Variants in MMP24 observed in about 807,000 individuals in gnomAD.
The protein encoded by MMP24 is matrix metallopeptidase 24, also known as matrix metalloproteinase-24.
A neutral mutation model predicts 62.8 loss-of-function variants in MMP24; 25 were observed. That is an observed-to-expected ratio of 0.40 (90% confidence interval 0.29 to 0.56). The LOEUF (loss-of-function observed/expected upper bound fraction) is 0.56. Ranked by LOEUF, MMP24 falls within the 20% of genes least tolerant of loss-of-function variation. The probability of loss-of-function intolerance (pLI) is 0.50; values close to 1 mark genes in which losing one functional copy is unlikely to be tolerated. For missense variants in MMP24, 634 were observed against 853.6 expected (o/e 0.74, Z 3.21); for synonymous variants, 319 against 350.5 (o/e 0.91, Z 1.00).
intron 2 of MMP24, among the ~76,000 whole-genome samples, chr20:35,250,104 C>A (rs1035567864): frequency 6.6e-6 from 1 of 152,090 alleles, no homozygotes; most frequent in African/African-American, 2.4e-5. Context: ...AGGCACATGC[C>A]ACCATGCCTG....
intron 5 of MMP24, among the ~76,000 whole-genome samples, chr20:35,266,403 A>G (rs2060635968): frequency 6.6e-6 from 1 of 151,454 alleles, no homozygotes; most frequent in Non-Finnish European, 1.5e-5. Flanking sequence ...GTGCTTCCTG[A>G]ACATCCAGTT....
At position 35,275,835 on chromosome 20, in the gene MMP24, G is replaced by A. The variant is rs773339425; in HGVS notation, c.*1226G>A. The A allele has an allele frequency of 1.0e-5, 4 of 395,592 alleles. No homozygotes were observed. The highest frequency in any genetic ancestry group is 1.8e-5 in the Non-Finnish European group (4 of 224,826). The allele number at this position is 395,592 out of a possible 1,614,324, so 24.5% of individuals were successfully genotyped here. On this transcript the variant is annotated 3_prime_UTR_variant, in exon 9 of 9. Transcript: ENST00000246186. ...CATCTTCCCACACTGCTCTTAGAAGGACACCCCTACCGGTAGCAGCCCCAA... is the reference window on the plus strand; with the variant it reads ...CATCTTCCCACACTGCTCTTAGAAGAACACCCCTACCGGTAGCAGCCCCAA...
chr20:35,235,431 C>T (rs1271926419), intron 1 of MMP24, among the ~76,000 whole-genome samples: 1 of 152,116 alleles, frequency 6.6e-6, no homozygotes, highest in African/African-American at 2.4e-5. Flanking sequence ...TGCAGTGGCT[C>T]ACACTTGTAA....
At chr20:35,232,888 GA>G (rs2060444207) in intron 1 of MMP24, among the ~76,000 whole-genome samples, 1 of 152,134 alleles carries the variant, frequency 6.6e-6, no homozygotes, top group South Asian at 2.1e-4. Context: ...GAAGTGGAGG[GA>G]CTGGAGTTTG....
intron 1 of MMP24, among the ~76,000 whole-genome samples, chr20:35,242,066 C>T (rs962002799): frequency 2.0e-5 from 3 of 152,154 alleles, no homozygotes; most frequent in Non-Finnish European, 2.9e-5. Flanking sequence ...TCTTGTGGCT[C>T]TACGCCTGTA....
At chr20:35,231,858 C>T (rs564316953) in intron 1 of MMP24, among the ~76,000 whole-genome samples, 4 of 152,178 alleles carry the variant, frequency 2.6e-5, no homozygotes, top group Admixed American at 2.6e-4. Flanking sequence ...TTGAGACTAG[C>T]CTGGCCAACA....
intron 1 of MMP24, among the ~76,000 whole-genome samples, chr20:35,238,672 C>T (rs2060474758): frequency 6.6e-6 from 1 of 152,148 alleles, no homozygotes; most frequent in Non-Finnish European, 1.5e-5. Context: ...GTTCCCTCAT[C>T]CTGGAACACG....
In MMP24 at chr20:35,274,401, G is replaced by C. The variant is rs75564013; in HGVS notation, c.1730G>C (p.Arg577Pro). The change falls in exon 9 of 9, where the codon CGG (arginine) becomes CCG (proline). Residue 577 changes from arginine (R) to proline (P), a missense_variant. Arg to Pro is a moderately radical substitution (Grantham distance 103). This residue lies in a region of MMP24 where 399 missense variants were observed against 530.8 expected (regional missense o/e 0.75). Transcript: ENST00000246186. The surrounding 1 kb of genome is among the most constrained non-coding windows in gnomAD (Gnocchi z 5.1). The stretch of plus-strand genomic sequence containing the variant: ...TGCAACCAGAAGGAGGTGGAGCGGC[G>C]GAAGGAGCGGCGGCTGCCCCAGGAC... ...MGCNQKEVER[R>P]KERRLPQDDV... 259 of 1,613,800 alleles carry C rather than the reference G, an allele frequency of 1.6e-4. No individual in the cohort carries two copies. The highest frequency in any genetic ancestry group is 2.0e-4 in the Non-Finnish European group (232 of 1,179,828).
At position 35,262,477 on chromosome 20, in the gene MMP24, C is replaced by T. The variant is rs199812746; in HGVS notation, c.818-1314C>T. On this transcript the variant is annotated intron_variant, in intron 4 of 8. Transcript: ENST00000246186. ...TAAACATCTCAATGCTTTACAAAAC[C>T]GTATTGCTGCCCGCAGGTCCCACCT... 1.1e-4 allele frequency among the ~76,000 whole-genome samples: 16 copies of T among 151,500 alleles called. No homozygotes were observed. In the East Asian group the frequency reaches 2.9e-3, roughly 27 times the overall value.
intron 2 of MMP24, among the ~76,000 whole-genome samples, chr20:35,251,413 CCG>C (rs2060546311): frequency 6.6e-6 from 1 of 152,188 alleles, no homozygotes; most frequent in Non-Finnish European, 1.5e-5. Context: ...GCGTGAGCCA[CCG>C]TGCCCAGCTG....
At chr20:35,261,076 A>G (rs571699891) in intron 4 of MMP24, among the ~76,000 whole-genome samples, 1 of 152,294 alleles carries the variant, frequency 6.6e-6, no homozygotes, top group Admixed American at 6.5e-5. Context: ...CAAGGCAAGC[A>G]AGGGTCTGAC....
chr20:35,251,766 C>T, intron 2 of MMP24, 139 bp from the exon 3 acceptor site: 2 of 639,504 alleles, frequency 3.1e-6, no homozygotes, highest in Non-Finnish European at 5.6e-6. Context: ...TGTTGGGGTC[C>T]ATCCAAGCCA....
intron 4 of MMP24, among the ~76,000 whole-genome samples, chr20:35,256,726 A>G (rs1189670215): frequency 7.6e-6 from 1 of 132,096 alleles, no homozygotes; most frequent in Non-Finnish European, 1.5e-5. Flanking sequence ...AAAAAAAAAA[A>G]AAAAAAAAAA....
intron 1 of MMP24, among the ~76,000 whole-genome samples, chr20:35,238,191 A>C (rs186957767): frequency 3.0e-4 from 46 of 152,308 alleles, no homozygotes; most frequent in African/African-American, 1.1e-3. Context: ...TGCTAATAGA[A>C]GACTTTTCTA....
intron 1 of MMP24, among the ~76,000 whole-genome samples, chr20:35,228,125 A>C (rs1014534311): frequency 1.2e-4 from 18 of 152,224 alleles, no homozygotes; most frequent in Non-Finnish European, 2.6e-4. Flanking sequence ...TTTGTTTAGA[A>C]GAATCTGCCT....
At chr20:35,273,692 G>A (rs894227060) in intron 8 of MMP24, among the ~76,000 whole-genome samples, 1 of 152,178 alleles carries the variant, frequency 6.6e-6, no homozygotes, top group Non-Finnish European at 1.5e-5. Flanking sequence ...TGGCTGGGCC[G>A]CTCAGGCTGT....
rs114123284 is a variant in MMP24, at chr20:35,267,168, G to A, written c.980-37G>A. ...AGACTGGCAATGGGAGGCGGGAAAC[G>A]GCTGCCCCCTCTCTAAGATGCAGCT... On this transcript the variant is annotated intron_variant, in intron 5 of 8. Transcript: ENST00000246186. 4.7e-4 allele frequency: 701 copies of A among 1,507,024 alleles called. 4 individuals are homozygous for A. The African/African-American group carries it at 8.4e-3, about 18-fold the overall frequency. 93.4% of individuals were successfully genotyped at this position (1,507,024 alleles called of 1,614,324 possible).
intron 3 of MMP24, among the ~76,000 whole-genome samples, chr20:35,253,650 C>T (rs1232202325): frequency 3.3e-5 from 5 of 152,180 alleles, no homozygotes; most frequent in Admixed American, 6.5e-5. Flanking sequence ...ATGAACACAG[C>T]GACGCTAAAC....
chr20:35,233,413 A>G (rs995722647), intron 1 of MMP24, among the ~76,000 whole-genome samples: 25 of 152,144 alleles, frequency 1.6e-4, no homozygotes, highest in African/African-American at 5.6e-4. Flanking sequence ...AAATCAATCA[A>G]TGAATCAATC....
Sources: allele counts gnomAD v4.1 joint callset (sites outside exome capture counted in the v4.1 genomes callset), GRCh38; gene constraint gnomAD v4.1.1; regional missense constraint gnomAD v4.1.1; non-coding constraint Gnocchi (gnomAD v3.1); transcripts MANE v1.5; gene names NCBI Gene and HGNC (gene_info 2026-07-23, HGNC 2026-07-21).